FHIT: variants seen among roughly 807,000 people sequenced by gnomAD.
The protein encoded by FHIT is fragile histidine triad diadenosine triphosphatase.
A neutral mutation model predicts 17.9 loss-of-function variants in FHIT; 19 were observed. That is an observed-to-expected ratio of 1.06 (90% CI 0.74 to 1.56). The LOEUF (loss-of-function observed/expected upper bound fraction) is 1.56, where lower values mean the gene tolerates loss of function less well. Ranked by LOEUF, FHIT falls within the 40% of genes most tolerant of loss-of-function variation. The pLI is 0.00. For synonymous variants in FHIT, 81 were observed against 69.7 expected, an observed-to-expected ratio of 1.16 and a Z score of -0.81; for missense variants, 248 against 189.2, an observed-to-expected ratio of 1.31 and a Z score of -1.82.
intron 5 of FHIT, among the ~76,000 whole-genome samples, chr3:60,358,618 G>A (rs528317647): frequency 2.2e-4 from 34 of 152,178 alleles, no homozygotes; most frequent in Non-Finnish European, 4.4e-4. Context: ...AGAGCATAGT[G>A]AAAGGCTAAT....
intron 2 of FHIT, among the ~76,000 whole-genome samples, chr3:61,179,368 C>G (rs1014550544): frequency 2.6e-5 from 4 of 151,904 alleles, no homozygotes; most frequent in African/African-American, 9.7e-5. Flanking sequence ...CAATGTTGAG[C>G]AAAATATGCC....
intron 5 of FHIT, among the ~76,000 whole-genome samples, chr3:60,263,301 T>C (rs1173232434): frequency 6.6e-6 from 1 of 151,960 alleles, no homozygotes; most frequent in African/African-American, 2.4e-5. Flanking sequence ...TCCTTGTAAA[T>C]TTGACTTTAA....
chr3:60,622,236 C>A (rs188499587), intron 4 of FHIT, among the ~76,000 whole-genome samples: 1 of 152,080 alleles, frequency 6.6e-6, no homozygotes, highest in Non-Finnish European at 1.5e-5. Flanking sequence ...CCAAATTGGC[C>A]GAAAAGATCA....
intron 5 of FHIT, among the ~76,000 whole-genome samples, chr3:60,173,309 C>A (rs1054914076): frequency 3.3e-5 from 5 of 152,166 alleles, no homozygotes; most frequent in African/African-American, 1.2e-4. Context: ...ACTTGGCCTT[C>A]TATTCACCAG....
chr3:60,934,456 C>T (rs1868226), intron 3 of FHIT, among the ~76,000 whole-genome samples: 91,003 of 151,982 alleles, frequency 0.6, 27,534 homozygotes, highest in East Asian at 0.67. Context: ...CCACTGCATG[C>T]CCTGAGGCCG....
At chr3:60,702,796 T>A (rs188659377) in intron 4 of FHIT, among the ~76,000 whole-genome samples, 46 of 152,332 alleles carry the variant, frequency 3.0e-4, no homozygotes, top group African/African-American at 1.1e-3. Context: ...CTTCCTGATT[T>A]AATATGAGTG....
chr3:60,168,191 A>G (rs1208402682), intron 5 of FHIT, among the ~76,000 whole-genome samples: 1 of 152,184 alleles, frequency 6.6e-6, no homozygotes, highest in Non-Finnish European at 1.5e-5. Flanking sequence ...CACTTGAAAG[A>G]ATTGCCTGTT....
At chr3:60,125,614 T>C (rs1292304510) in intron 5 of FHIT, among the ~76,000 whole-genome samples, 2 of 134,790 alleles carry the variant, frequency 1.5e-5, no homozygotes, top group Non-Finnish European at 3.2e-5. Context: ...CAAGACACTG[T>C]CTCAAAAAAA....
chr3:61,212,087 C>G (rs1404847283), intron 1 of FHIT, among the ~76,000 whole-genome samples: 1 of 152,230 alleles, frequency 6.6e-6, no homozygotes, highest in Admixed American at 6.5e-5. Context: ...CTCTAAAAAG[C>G]AGAGCGCTTC....
chr3:60,652,253 G>C (rs187821645), intron 4 of FHIT, among the ~76,000 whole-genome samples: 1 of 152,286 alleles, frequency 6.6e-6, no homozygotes, highest in East Asian at 1.9e-4. Context: ...CCAAGCACCA[G>C]CTTCAAGGCA....
rs1700534662 is a variant in FHIT at position 60,153,064 on chromosome 3, T to C, written c.104-138912A>G. On this transcript the variant is annotated intron_variant, in intron 5 of 9. Coordinates refer to ENST00000492590, the MANE Select transcript of FHIT (RefSeq NM_002012.4). ...GTTCTTTCTCACTGCCTCTGTTTAT[T>C]TTCCTCCTCAGCCAACACACGACTA... is the stretch of plus-strand genomic sequence containing the variant. Among the ~76,000 whole-genome samples the C allele has an allele frequency of 3.3e-5, 5 of 152,282 alleles. No individual in the cohort carries two copies. The South Asian group carries it at 8.3e-4, about 25-fold the overall frequency.
At chr3:59,940,538 A>G (rs1706462426) in intron 7 of FHIT, among the ~76,000 whole-genome samples, 1 of 152,040 alleles carries the variant, frequency 6.6e-6, no homozygotes, top group African/African-American at 2.4e-5. Context: ...TTGGGGAGGG[A>G]GATGGAAGGC....
chr3:60,777,821 C>T (rs1230060755), intron 4 of FHIT, among the ~76,000 whole-genome samples: 1 of 152,082 alleles, frequency 6.6e-6, no homozygotes, highest in Non-Finnish European at 1.5e-5. Context: ...GCCATGACTC[C>T]CCAGGCTCCT....
chr3:60,519,125 A>G (rs981773244), intron 5 of FHIT, among the ~76,000 whole-genome samples: 44 of 152,368 alleles, frequency 2.9e-4, no homozygotes, highest in African/African-American at 9.9e-4. Flanking sequence ...CAAAGAAAAA[A>G]GTAGAAAGGA....
intron 4 of FHIT, among the ~76,000 whole-genome samples, chr3:60,569,732 T>TATATATATAC (rs1553654693): frequency 9.4e-5 from 3 of 31,750 alleles, no homozygotes; most frequent in East Asian, 2.7e-3. Flanking sequence ...ATACTATATA[T>TATATATATAC]ATATATATAT....
At chr3:60,375,081 G>C (rs1212029076) in intron 5 of FHIT, among the ~76,000 whole-genome samples, 1 of 143,776 alleles carries the variant, frequency 7.0e-6, no homozygotes, top group East Asian at 2.0e-4. Flanking sequence ...TGCTCTTCAA[G>C]AATCATTCCT....
At chr3:60,066,818 G>A (rs1350808749) in intron 5 of FHIT, among the ~76,000 whole-genome samples, 2 of 151,590 alleles carry the variant, frequency 1.3e-5, no homozygotes, top group Non-Finnish European at 2.9e-5. Context: ...CACCATGCCC[G>A]GCTAATTTTT....
intron 5 of FHIT, among the ~76,000 whole-genome samples, chr3:60,362,074 T>A (rs1699928265): frequency 6.6e-6 from 1 of 151,630 alleles, no homozygotes; most frequent in Admixed American, 6.6e-5. Flanking sequence ...TACTGAGATT[T>A]AAAAAAAAAT....
chr3:61,093,139 C>T (rs2035537747), intron 2 of FHIT, among the ~76,000 whole-genome samples: 1 of 152,122 alleles, frequency 6.6e-6, no homozygotes, highest in African/African-American at 2.4e-5. Flanking sequence ...AAGTAAACAA[C>T]GTGGTGGGAT....
Sources: gnomAD v4.1 joint callset for allele counts (sites outside exome capture counted in the v4.1 genomes callset) on GRCh38, gnomAD v4.1.1 for gene constraint, MANE v1.5 for transcripts, NCBI Gene and HGNC (gene_info 2026-07-23, HGNC 2026-07-21) for gene names.